Variants in CEP192 observed in about 807,000 individuals in gnomAD.
CEP192 encodes the protein centrosomal protein of 192 kDa.
In CEP192, 151 loss-of-function variants were observed where a neutral mutation model predicts 271.8. That is an observed-to-expected ratio of 0.56 (90% CI 0.49 to 0.64). The LOEUF is 0.64. Ranked by LOEUF, CEP192 falls within the 30% of genes least tolerant of loss-of-function variation. The pLI is 0.00. For synonymous variants in CEP192, 995 were observed against 1,076.5 expected (o/e 0.92, Z 1.48); for missense variants, 2,910 against 3,020.5 (o/e 0.96, Z 0.86).
chr18:13,123,526 C>T (rs761285756), intron 44 of CEP192, among the ~76,000 whole-genome samples: 23 of 152,110 alleles, frequency 1.5e-4, no homozygotes, highest in Non-Finnish European at 2.6e-4. Flanking sequence ...TGCTGGAAAC[C>T]GAAACGTACA....
At chr18:13,107,704 A>G (rs1159334293) in intron 40 of CEP192, among the ~76,000 whole-genome samples, 1 of 152,226 alleles carries the variant, frequency 6.6e-6, no homozygotes, top group Non-Finnish European at 1.5e-5. Context: ...GACAAGGACT[A>G]GTTTTAGGTA....
chr18:13,021,306 G>A (rs1274061389), intron 9 of CEP192, among the ~76,000 whole-genome samples: 1 of 152,180 alleles, frequency 6.6e-6, no homozygotes, highest in African/African-American at 2.4e-5. Flanking sequence ...TTAGGTAAGG[G>A]TCTAACTAAC....
At chr18:13,088,929 C>A (rs1281012522) in intron 32 of CEP192, 1 of 443,778 alleles carries the variant, frequency 2.3e-6, no homozygotes, top group East Asian at 7.0e-5. Context: ...TTTTTTCTCT[C>A]AATTGGGATA....
At chr18:13,089,654 TGTTA>T in intron 33 of CEP192, 89 bp downstream of exon 33, 1 of 660,952 alleles carries the variant, frequency 1.5e-6, no homozygotes, top group Non-Finnish European at 2.6e-6. Context: ...AAGAAGGAAG[TGTTA>T]GTTTAGATGC....
In CEP192 at chr18:13,108,954, A is replaced by G. The variant is rs368438820; in HGVS notation, c.7047+3875A>G. Among the ~76,000 whole-genome samples, 22 of 152,354 alleles carry G rather than the reference A, an allele frequency of 1.4e-4. No homozygotes were observed. In the East Asian group the frequency reaches 3.7e-3, roughly 25 times the overall value. The stretch of plus-strand genomic sequence containing the variant: ...AAAAAATGCTTATACACTTAGTGTG[A>G]ATGTAAATTAGTTCAGCCACCATGG... On this transcript the variant is annotated intron_variant, in intron 40 of 44. Coordinates refer to ENST00000506447, the MANE Select transcript of CEP192 (RefSeq NM_032142.4).
intron 3 of CEP192, among the ~76,000 whole-genome samples, chr18:13,002,623 A>G (rs528101143): frequency 6.6e-6 from 1 of 152,296 alleles, no homozygotes; most frequent in African/African-American, 2.4e-5. Context: ...CTGAATGCCG[A>G]CTTCTCCCAG....
At chr18:13,011,226 C>CA (rs200151034) in intron 4 of CEP192, among the ~76,000 whole-genome samples, 18,600 of 129,850 alleles carry the variant, frequency 0.14, 1,805 homozygotes, top group African/African-American at 0.29. Flanking sequence ...GACTCTGTCT[C>CA]AAAAAAAAAA....
At position 13,101,417 on chromosome 18, in the gene CEP192, G is replaced by A. The variant is rs527243822; in HGVS notation, c.6871+905G>A. ...GTTTACTGGGACGTGAGGAGCATTC[G>A]TGTTCAGTAATGGTGATATATGTAC... is the stretch of plus-strand genomic sequence containing the variant. On this transcript the variant is annotated intron_variant, in intron 38 of 44. Coordinates refer to ENST00000506447, the MANE Select transcript of CEP192 (RefSeq NM_032142.4). Among the ~76,000 whole-genome samples the A allele has an allele frequency of 6.6e-5, 10 of 152,214 alleles. No individual in the cohort carries two copies. In the East Asian group the frequency reaches 1.4e-3, roughly 21 times the overall value.
intron 11 of CEP192, among the ~76,000 whole-genome samples, chr18:13,034,217 T>A (rs2035789146): frequency 6.6e-6 from 1 of 152,040 alleles, no homozygotes; most frequent in South Asian, 2.1e-4. Flanking sequence ...AAAGGATGAC[T>A]AGCATGGGTG....
intron 18 of CEP192, among the ~76,000 whole-genome samples, chr18:13,055,472 C>T (rs556807599): frequency 7.2e-5 from 11 of 152,210 alleles, no homozygotes; most frequent in African/African-American, 1.9e-4. Context: ...TTACAGAAAT[C>T]CCTTAAATCT....
At chr18:13,091,913 G>A (rs2144748421) in intron 33 of CEP192, among the ~76,000 whole-genome samples, 1 of 152,240 alleles carries the variant, frequency 6.6e-6, no homozygotes, top group Admixed American at 6.5e-5. Flanking sequence ...CCTCTTTGCA[G>A]TAGAGGTAAT....
chr18:13,072,949 T>G, intron 29 of CEP192, 60 bp from the exon 30 acceptor site: 1 of 1,551,412 alleles, frequency 6.4e-7, no homozygotes, highest in Non-Finnish European at 8.8e-7. Flanking sequence ...TCTGTGTTAA[T>G]GGTATGTTTT....
At chr18:13,109,691 G>GA (rs1161000864) in intron 40 of CEP192, among the ~76,000 whole-genome samples, 1 of 151,022 alleles carries the variant, frequency 6.6e-6, no homozygotes, top group Non-Finnish European at 1.5e-5. Flanking sequence ...AAAGAAAGAA[G>GA]AAAAAAAAGT....
At chr18:13,002,224 C>T (rs905720583) in intron 3 of CEP192, among the ~76,000 whole-genome samples, 3 of 151,736 alleles carry the variant, frequency 2.0e-5, no homozygotes, top group African/African-American at 7.3e-5. Context: ...TGCATTTATG[C>T]CTTTAAATCT....
At chr18:13,031,316 C>T (rs12971199) in intron 11 of CEP192, among the ~76,000 whole-genome samples, 5 of 141,972 alleles carry the variant, frequency 3.5e-5, no homozygotes, top group African/African-American at 1.1e-4. Flanking sequence ...GGCGGGATCT[C>T]GGCTCACTGC....
At chr18:13,001,666 T>C (rs1599029313) in intron 3 of CEP192, 84 bp downstream of exon 3, 1 of 1,281,680 alleles carries the variant, frequency 7.8e-7, no homozygotes, top group East Asian at 2.6e-5. Context: ...TGATTGTGTA[T>C]GTAATTAATT....
chr18:13,044,420 TTTTTG>T (rs138507297), intron 15 of CEP192, among the ~76,000 whole-genome samples: 1 of 151,466 alleles, frequency 6.6e-6, no homozygotes, highest in African/African-American at 2.4e-5. Context: ...TGGTGTAAGG[TTTTTG>T]TTTTGTTTTG....
At chr18:13,004,042 G>T (rs1211475176) in intron 3 of CEP192, among the ~76,000 whole-genome samples, 6 of 152,160 alleles carry the variant, frequency 3.9e-5, no homozygotes, top group Admixed American at 3.9e-4. Context: ...TATAAAAGAA[G>T]AGTTACCTAA....
Position 13,029,978 on chromosome 18 carries a change from G to A in CEP192, c.1366G>A (p.Glu456Lys), listed in dbSNP as rs1301077781. The stretch of plus-strand genomic sequence containing the variant: ...TGAAAGGCGAACATGTGAATGTCAC[G>A]AGTCCATCGAAAAGAATAAAGACAG... ...TCERRTCECH[E>K]SIEKNKDKTD... The change falls in exon 10 of 45, where the codon GAG (glutamate) becomes AAG (lysine). Residue 456 changes from glutamate to lysine, a missense_variant. Glu to Lys is a moderately conservative substitution (Grantham distance 56, BLOSUM62 1). Coordinates refer to ENST00000506447, the MANE Select transcript of CEP192 (RefSeq NM_032142.4). 3 of 1,550,024 alleles carry A rather than the reference G, an allele frequency of 1.9e-6. No individual in the cohort carries two copies. The highest frequency in any genetic ancestry group is 1.4e-5 in the African/African-American group (1 of 73,120).
Sources: gnomAD v4.1 joint callset for allele counts (sites outside exome capture counted in the v4.1 genomes callset) on GRCh38, gnomAD v4.1.1 for gene constraint, MANE v1.5 for transcripts, NCBI Gene and HGNC (gene_info 2026-07-23, HGNC 2026-07-21) for gene names.